Variants in ATXN10 observed in about 807,000 individuals in gnomAD.
ATXN10 encodes ataxin-10.
In ATXN10, 28 loss-of-function variants were observed where a neutral mutation model predicts 52.9. The observed-to-expected ratio is 0.53, with a 90% CI of 0.39 to 0.73. The LOEUF (loss-of-function observed/expected upper bound fraction) is 0.73, where lower values mean the gene tolerates loss of function less well. Ranked by LOEUF, ATXN10 falls within the 30% of genes least tolerant of loss-of-function variation. The probability of loss-of-function intolerance (pLI) is 0.00; values close to 1 mark genes in which losing one functional copy is unlikely to be tolerated. For missense variants in ATXN10, 565 were observed against 577.0 expected, an observed-to-expected ratio of 0.98 and a Z score of 0.21; for synonymous variants, 226 against 221.5, an observed-to-expected ratio of 1.02 and a Z score of -0.18.
In ATXN10 at chr22:45,820,261, C is replaced by T. The variant is rs944537129; in HGVS notation, c.1237+13239C>T. 2.0e-5 allele frequency among the ~76,000 whole-genome samples: 3 copies of T among 152,180 alleles called. No homozygotes were observed. Among genetic ancestry groups the T allele is most frequent in the Admixed American group, 1.3e-4 (2 of 15,288 alleles). On this transcript the variant is annotated intron_variant, in intron 10 of 11. Coordinates refer to ENST00000252934, the MANE Select transcript of ATXN10 (RefSeq NM_013236.4). This position sits in a 1 kb window ranked among gnomAD's most constrained non-coding sequence, Gnocchi z 4.9. ...CAGGAAATGAAAAGGCCGTGTGCTA[C>T]GGTGGGACCACCAACCTAAGGAAGA...
At chr22:45,714,062 C>T (rs1436105185) in intron 5 of ATXN10, among the ~76,000 whole-genome samples, 1 of 152,204 alleles carries the variant, frequency 6.6e-6, no homozygotes, top group East Asian at 1.9e-4. Context: ...ACAAACACTT[C>T]AGGTTGTCCT....
In ATXN10 at chr22:45,671,934, T is replaced by G. The variant is rs2146715644; in HGVS notation, c.-130T>G. 3.9e-6 allele frequency: 4 copies of G among 1,018,546 alleles called. No individual in the cohort carries two copies. Among genetic ancestry groups the G allele is most frequent in the Non-Finnish European group, 5.6e-6 (4 of 713,756 alleles). The allele number at this position is 1,018,546 out of a possible 1,614,324, so 63.1% of individuals were successfully genotyped here. A position where few individuals can be genotyped will look rare whatever the true frequency, so the allele number is the denominator to read the frequency against. On this transcript the variant is annotated 5_prime_UTR_variant, in exon 1 of 12. Coordinates refer to ENST00000252934, the MANE Select transcript of ATXN10 (RefSeq NM_013236.4). ...GCGCGGGCTGCAGCGGCGGCGGCGG[T>G]TAGGGCTGTGTAGGGCGAGGCCTCC...
chr22:45,836,502 C>T (rs530519886), intron 10 of ATXN10, among the ~76,000 whole-genome samples: 8 of 152,224 alleles, frequency 5.3e-5, no homozygotes, highest in Admixed American at 2.0e-4. Context: ...GCACAAGTCC[C>T]ATGAAACTCC....
Position 45,678,542 on chromosome 22 carries a change from A to C in ATXN10, c.116+6363A>C, listed in dbSNP as rs1858262500. The stretch of plus-strand genomic sequence containing the variant: ...TCCCTCACTGCTATTTTTGTTTCAT[A>C]ATAAAATAGCCTTTTATGTATCTTT... On this transcript the variant is annotated intron_variant, in intron 1 of 11. Transcript: ENST00000252934. This position sits in a 1 kb window ranked among gnomAD's most constrained non-coding sequence, Gnocchi z 4.1. The C allele has an allele frequency of 6.6e-6, 1 of 152,200 alleles. No individual in the cohort carries two copies. The highest frequency in any genetic ancestry group is 2.4e-5 in the African/African-American group (1 of 41,462). The allele number at this position is 152,200 out of a possible 1,614,324, so 9.4% of individuals were successfully genotyped here. A position where few individuals can be genotyped will look rare whatever the true frequency, so the allele number is the denominator to read the frequency against.
At chr22:45,793,751 C>T (rs776606230) in intron 9 of ATXN10, 1 of 1,425,698 alleles carries the variant, frequency 7.0e-7, no homozygotes, top group Non-Finnish European at 9.2e-7. Context: ...ACCCCCGATT[C>T]CTGCCTTTCC....
rs1923020456 is a variant in ATXN10, at chr22:45,683,695, T to C, written c.117-6017T>C. On this transcript the variant is annotated intron_variant, in intron 1 of 11. Transcript: ENST00000252934. The surrounding 1 kb of genome is among the most constrained non-coding windows in gnomAD (Gnocchi z 4.8). Reference sequence around the variant, plus strand: ...CTTGCAATTTTGTCTTCCATGTAATTCCTAAATCCACCTGGAGTTACTTTT... The same window carrying C: ...CTTGCAATTTTGTCTTCCATGTAATCCCTAAATCCACCTGGAGTTACTTTT... 6.6e-6 allele frequency among the ~76,000 whole-genome samples: 1 copy of C among 152,244 alleles called. No individual in the cohort carries two copies. Among genetic ancestry groups the C allele is most frequent in the Admixed American group, 6.5e-5 (1 of 15,282 alleles).
At chr22:45,694,497 A>G (rs1185427826) in intron 3 of ATXN10, among the ~76,000 whole-genome samples, 1 of 151,704 alleles carries the variant, frequency 6.6e-6, no homozygotes, top group East Asian at 1.9e-4. Context: ...AAAAAAATAC[A>G]AAGGCTGGGT....
chr22:45,791,194 TTTG>T (rs1927496917), intron 9 of ATXN10, among the ~76,000 whole-genome samples: 2 of 152,370 alleles, frequency 1.3e-5, no homozygotes, highest in South Asian at 4.1e-4. Flanking sequence ...TTTTTATTCT[TTTG>T]TTGTTTCTGT....
intron 10 of ATXN10, among the ~76,000 whole-genome samples, chr22:45,830,326 G>A (rs150145162): frequency 1.4e-4 from 21 of 152,274 alleles, no homozygotes; most frequent in African/African-American, 4.6e-4. Flanking sequence ...GGCACAGACA[G>A]CAAAAGGAAA....
chr22:45,841,115 A>G lies in ATXN10; in HGVS notation c.1238-1876A>G, dbSNP rs1372056646. On this transcript the variant is annotated intron_variant, in intron 10 of 11. Transcript: ENST00000252934. This position sits in a 1 kb window ranked among gnomAD's most constrained non-coding sequence, Gnocchi z 5.1. ...AAGTGGGGGTTCAGTGATCATGGAA[A>G]AGAGGCGGATATTCAAATTTAGGTT... Among the ~76,000 whole-genome samples, 1 of 152,264 alleles carries G rather than the reference A, an allele frequency of 6.6e-6. No individual in the cohort carries two copies. The highest frequency in any genetic ancestry group is 1.5e-5 in the Non-Finnish European group (1 of 68,052).
Position 45,671,895 on chromosome 22 carries a change from G to C in ATXN10, c.-169G>C. On this transcript the variant is annotated 5_prime_UTR_variant, in exon 1 of 12. Transcript: ENST00000252934. ...CAGCCTAGAGCTCTCCGGCGGCGGC[G>C]CAGCTTCAGGGCAGCGCGGGCTGCA... The C allele has an allele frequency of 1.4e-6, 1 of 693,892 alleles. No homozygotes were observed. Among genetic ancestry groups the C allele is most frequent in the Non-Finnish European group, 2.3e-6 (1 of 442,284 alleles). The allele number at this position is 693,892 out of a possible 1,614,324, so 43.0% of individuals were successfully genotyped here.
chr22:45,685,189 A>G (rs893669778), intron 1 of ATXN10, among the ~76,000 whole-genome samples: 1 of 151,930 alleles, frequency 6.6e-6, no homozygotes, highest in African/African-American at 2.4e-5. Flanking sequence ...CCTGTTACAT[A>G]TAATCACAGG....
chr22:45,729,310 G>T (rs1200138520), intron 6 of ATXN10, 115 bp from the exon 7 acceptor site: 3 of 1,044,174 alleles, frequency 2.9e-6, no homozygotes, highest in African/African-American at 1.6e-5. Context: ...GACATTAGAA[G>T]CAAGGTAAGG....
intron 7 of ATXN10, among the ~76,000 whole-genome samples, chr22:45,735,358 G>A (rs138166): frequency 0.38 from 57,325 of 151,528 alleles, 12,543 homozygotes; most frequent in African/African-American, 0.62. Context: ...TAGTGGTGCA[G>A]TCGTAGCTTG....
At chr22:45,707,548 G>A (rs1490180626) in intron 5 of ATXN10, among the ~76,000 whole-genome samples, 2 of 151,552 alleles carry the variant, frequency 1.3e-5, no homozygotes, top group African/African-American at 4.8e-5. Context: ...AGTACCTTGG[G>A]TCTGTATTTT....
intron 7 of ATXN10, among the ~76,000 whole-genome samples, chr22:45,737,001 G>A (rs1424314212): frequency 6.6e-6 from 1 of 152,180 alleles, no homozygotes; most frequent in Non-Finnish European, 1.5e-5. Flanking sequence ...AGAAAGGCAG[G>A]ATAAGTGCTC....
intron 2 of ATXN10, among the ~76,000 whole-genome samples, chr22:45,691,001 A>G (rs1923351805): frequency 1.3e-5 from 2 of 152,230 alleles, no homozygotes; most frequent in African/African-American, 2.4e-5. Flanking sequence ...GGTTAGACAC[A>G]TATACCCGAG....
rs998581316 is a variant in ATXN10, at chr22:45,683,818, T to A, written c.117-5894T>A. ...GCACAGTCCATCTTCCCCAGGTCTTTAATGCTATTGATAGATGCCATTTAC... is the reference window on the plus strand; with the variant it reads ...GCACAGTCCATCTTCCCCAGGTCTTAAATGCTATTGATAGATGCCATTTAC... On this transcript the variant is annotated intron_variant, in intron 1 of 11. Coordinates refer to ENST00000252934, the MANE Select transcript of ATXN10 (RefSeq NM_013236.4). This position sits in a 1 kb window ranked among gnomAD's most constrained non-coding sequence, Gnocchi z 4.8. 3.9e-5 allele frequency among the ~76,000 whole-genome samples: 6 copies of A among 152,232 alleles called. No homozygotes were observed. The highest frequency in any genetic ancestry group is 1.4e-4 in the African/African-American group (6 of 41,464).
chr22:45,728,317 A>G lies in ATXN10; in HGVS notation c.729-1108A>G, dbSNP rs544628324. On this transcript the variant is annotated intron_variant, in intron 6 of 11. Coordinates refer to ENST00000252934, the MANE Select transcript of ATXN10 (RefSeq NM_013236.4). This position sits in a 1 kb window ranked among gnomAD's most constrained non-coding sequence, Gnocchi z 4.3. ...TAAGGGAAAACAGAAATTCTCTAAT[A>G]CTGTGCTCAACTGAGTGGACCGTGT... Among the ~76,000 whole-genome samples the G allele has an allele frequency of 4.6e-5, 7 of 152,322 alleles. No homozygotes were observed. The highest frequency in any genetic ancestry group is 1.7e-4 in the African/African-American group (7 of 41,574).
Sources: gnomAD v4.1 joint callset for allele counts (sites outside exome capture counted in the v4.1 genomes callset) on GRCh38, gnomAD v4.1.1 for gene constraint, Gnocchi (gnomAD v3.1) non-coding constraint, MANE v1.5 for transcripts, NCBI Gene and HGNC (gene_info 2026-07-23, HGNC 2026-07-21) for gene names.